Variants in XRCC5 observed in about 807,000 individuals in gnomAD.
The protein encoded by XRCC5 is DNA repair protein Ku80.
A neutral mutation model predicts 95.7 loss-of-function variants in XRCC5; 12 were observed. That is an observed-to-expected ratio of 0.13 (90% CI 0.08 to 0.20). The LOEUF is 0.20. XRCC5 is among the 10% of genes least tolerant of loss of function. The pLI is 1.00. For synonymous variants in XRCC5, 281 were observed against 290.3 expected (o/e 0.97, Z 0.33); for missense variants, 595 against 873.9 (o/e 0.68, Z 4.02).
chr2:216,190,150 T>C (rs927369225), intron 16 of XRCC5, 75 bp from the exon 17 acceptor site: 21 of 1,275,070 alleles, frequency 1.6e-5, no homozygotes, highest in Middle Eastern at 1.9e-4. Context: ...TACATACTTA[T>C]AGGCACAAAC....
At chr2:216,179,674 A>G (rs1327364455) in intron 16 of XRCC5, among the ~76,000 whole-genome samples, 1 of 152,222 alleles carries the variant, frequency 6.6e-6, no homozygotes. Context: ...ATGCTTGGCT[A>G]GAAGCATCAG....
At chr2:216,135,886 A>C (rs1697066522) in intron 10 of XRCC5, among the ~76,000 whole-genome samples, 1 of 151,974 alleles carries the variant, frequency 6.6e-6, no homozygotes, top group Non-Finnish European at 1.5e-5. Context: ...AATGATGTTA[A>C]TGGAAATAGG....
chr2:216,193,653 T>G (rs1689660957), intron 18 of XRCC5, among the ~76,000 whole-genome samples: 1 of 152,212 alleles, frequency 6.6e-6, no homozygotes, highest in Admixed American at 6.5e-5. Flanking sequence ...TCTCTGCTGT[T>G]GACCCCGTAA....
At position 216,190,264 on chromosome 2, in the gene XRCC5, A is replaced by T. The variant is rs372262032; in HGVS notation, c.1874A>T (p.Asp625Val). The change falls in exon 17 of 21, where the codon GAT (aspartate) becomes GTT (valine). Residue 625 changes from aspartate (D) to valine (V), a missense_variant. Coordinates refer to ENST00000392132, the MANE Select transcript of XRCC5 (RefSeq NM_021141.4). The part of the protein sequence containing the change: ...QLINHIEQFL[D>V]TNETPYFMKS... The stretch of plus-strand genomic sequence containing the variant: ...ATAAATCACATCGAACAGTTTTTGG[A>T]TACTAATGAAACACCGTATTTTATG... The T allele has an allele frequency of 3.7e-6, 6 of 1,613,880 alleles. No homozygotes were observed. In the African/African-American group the frequency reaches 8.0e-5, roughly 22 times the overall value.
intron 5 of XRCC5, 113 bp downstream of exon 5, chr2:216,119,278 G>A: frequency 8.6e-7 from 1 of 1,164,386 alleles, no homozygotes; most frequent in Non-Finnish European, 1.2e-6. Context: ...CTGCTCCAAG[G>A]CTGAATCTGT....
intron 5 of XRCC5, among the ~76,000 whole-genome samples, chr2:216,119,536 T>G (rs554377169): frequency 6.6e-6 from 1 of 152,346 alleles, no homozygotes; most frequent in African/African-American, 2.4e-5. Context: ...GATTTTTTTT[T>G]TTCTTAAACA....
rs2287558 is a variant in XRCC5 at position 216,148,128 on chromosome 2, A to G, written c.1522A>G (p.Ile508Val). Reference sequence around the variant, plus strand: ...ACATCCCCGGGAGCCTCTACCCCCAATTCAGCAGCATATTTGGAATATGCT... The same window carrying G: ...ACATCCCCGGGAGCCTCTACCCCCAGTTCAGCAGCATATTTGGAATATGCT... ...ALHPREPLPP[I>V]QQHIWNMLNP... Residue 508 changes from isoleucine to valine, a missense_variant, in exon 14 of 21, where the codon ATT becomes GTT. By Grantham distance (29) the Ile-to-Val change is conservative (BLOSUM62 3). Around this residue, in one of 2 missense-constraint regions of XRCC5, gnomAD observed 309 missense variants for 382.9 expected, o/e 0.81. Transcript: ENST00000392132. 2.2e-4 allele frequency: 358 copies of G among 1,613,874 alleles called. 3 individuals carry two copies. In the East Asian group the frequency reaches 7.6e-3, roughly 34 times the overall value.
intron 7 of XRCC5, among the ~76,000 whole-genome samples, chr2:216,126,672 A>C (rs1167010398): frequency 6.6e-6 from 1 of 152,164 alleles, no homozygotes; most frequent in Non-Finnish European, 1.5e-5. Context: ...GACATATAAA[A>C]TAAATATACA....
At chr2:216,158,505 C>CT (rs965276212) in intron 14 of XRCC5, among the ~76,000 whole-genome samples, 40 of 151,536 alleles carry the variant, frequency 2.6e-4, no homozygotes, top group African/African-American at 5.1e-4. Flanking sequence ...TGGCTCTGAC[C>CT]TTTTTTTTTA....
intron 18 of XRCC5, among the ~76,000 whole-genome samples, chr2:216,194,286 A>T (rs1689676095): frequency 6.6e-6 from 1 of 152,238 alleles, no homozygotes; most frequent in South Asian, 2.1e-4. Context: ...TGTTTCACTT[A>T]AAGTCACAGT....
At chr2:216,174,095 C>G (rs1293317486) in intron 16 of XRCC5, among the ~76,000 whole-genome samples, 2 of 152,116 alleles carry the variant, frequency 1.3e-5, no homozygotes, top group African/African-American at 4.8e-5. Context: ...ATTATTTATT[C>G]TTTACATATT....
chr2:216,141,918 G>A (rs1697178997), intron 13 of XRCC5, among the ~76,000 whole-genome samples: 1 of 152,138 alleles, frequency 6.6e-6, no homozygotes, highest in South Asian at 2.1e-4. Flanking sequence ...GCCGGGCATG[G>A]TAGCACGTGC....
chr2:216,140,633 GGCATTAA>G (rs1423821578), intron 12 of XRCC5, among the ~76,000 whole-genome samples: 1 of 152,140 alleles, frequency 6.6e-6, no homozygotes, highest in Non-Finnish European at 1.5e-5. Context: ...GTGTCATGGA[GGCATTAA>G]GAGAGGAGAG....
At chr2:216,141,345 A>G (rs776310196) in intron 13 of XRCC5, 26 bp downstream of exon 13, 1 of 1,613,350 alleles carries the variant, frequency 6.2e-7, no homozygotes, top group South Asian at 1.1e-5. Context: ...TGAACAAGTC[A>G]TATTTCTTTT....
rs746374866 is a variant in XRCC5 at position 216,109,448 on chromosome 2, G to T, written c.12G>T (p.Ser4=). 5 of 1,613,930 alleles carry T rather than the reference G, an allele frequency of 3.1e-6. No homozygotes were observed. Among genetic ancestry groups the T allele is most frequent in the Non-Finnish European group, 4.2e-6 (5 of 1,179,962 alleles). Residue 4 remains serine, a synonymous_variant, in exon 1 of 21, where the codon TCG becomes TCT. Coordinates refer to ENST00000392132, the MANE Select transcript of XRCC5 (RefSeq NM_021141.4). ...TGAGGACCGGCAACATGGTGCGGTC[G>T]GGGAATAAGGTATAAAGAAAGCCAT... MVR[S]GNKAAVVLCM...
intron 18 of XRCC5, among the ~76,000 whole-genome samples, chr2:216,194,704 C>T (rs1269415951): frequency 2.6e-5 from 4 of 152,110 alleles, no homozygotes; most frequent in African/African-American, 7.2e-5. Flanking sequence ...GGCACAGTGG[C>T]GCATGCTTGT....
intron 1 of XRCC5, chr2:216,111,542 G>A (rs1696591515): frequency 3.7e-6 from 1 of 273,972 alleles, no homozygotes; most frequent in Non-Finnish European, 7.5e-6. Context: ...AAAAAAAAAT[G>A]GTGGGGAGGA....
chr2:216,115,999 G>A (rs1459760504), intron 2 of XRCC5, among the ~76,000 whole-genome samples: 2 of 152,074 alleles, frequency 1.3e-5, no homozygotes, highest in African/African-American at 4.8e-5. Flanking sequence ...TATGCTACAT[G>A]TAATTCTGCA....
At chr2:216,174,589 T>C (rs182783071) in intron 16 of XRCC5, among the ~76,000 whole-genome samples, 8 of 152,354 alleles carry the variant, frequency 5.3e-5, no homozygotes, top group Admixed American at 2.6e-4. Flanking sequence ...ATACTTGATG[T>C]AATGAAAAAG....
Sources: gnomAD v4.1 joint callset for allele counts (sites outside exome capture counted in the v4.1 genomes callset) on GRCh38, gnomAD v4.1.1 for gene constraint, gnomAD v4.1.1 regional missense constraint, MANE v1.5 for transcripts, NCBI Gene and HGNC (gene_info 2026-07-23, HGNC 2026-07-21) for gene names.